Variants in ISY1 observed in about 807,000 individuals in gnomAD.
The protein encoded by ISY1 is ISY1 spliceosome associated protein.
In ISY1, 12 loss-of-function variants were observed where a neutral mutation model predicts 54.4. The observed-to-expected ratio is 0.22, with a 90% CI of 0.14 to 0.36. ISY1 has a LOEUF of 0.36. ISY1 is among the 10% of genes least tolerant of loss of function. The pLI is 1.00. For synonymous variants in ISY1, 96 were observed against 117.9 expected, an observed-to-expected ratio of 0.81 and a Z score of 1.20; for missense variants, 282 against 342.2, an observed-to-expected ratio of 0.82 and a Z score of 1.39.
chr3:129,160,938 A>T, intron 1 of ISY1, 35 bp downstream of exon 1: 1 of 100,230 alleles, frequency 1.0e-5, no homozygotes. Context: ...CCGCCCGCCC[A>T]TCCACTCGCT....
intron 9 of ISY1, among the ~76,000 whole-genome samples, chr3:129,132,749 C>G (rs934973228): frequency 6.6e-5 from 10 of 152,210 alleles, no homozygotes; most frequent in Admixed American, 5.9e-4. Context: ...CTCACAGGAG[C>G]CATGAATTAA....
At chr3:129,155,234 T>C (rs1937101197) in intron 5 of ISY1, among the ~76,000 whole-genome samples, 1 of 151,506 alleles carries the variant, frequency 6.6e-6, no homozygotes. Flanking sequence ...TGTTTTGAGA[T>C]GGAGTCCTGG....
chr3:129,158,426 T>C (rs1937209591), intron 3 of ISY1, 82 bp downstream of exon 3: 2 of 1,588,528 alleles, frequency 1.3e-6, no homozygotes, highest in Non-Finnish European at 8.6e-7. Context: ...CCCCAAGTAT[T>C]GGGATTACAG....
intron 9 of ISY1, 180 bp from the exon 10 acceptor site, chr3:129,130,816 T>C (rs1576867192): frequency 1.7e-6 from 1 of 573,304 alleles, no homozygotes; most frequent in East Asian, 3.5e-5. Context: ...ACACGCTGTA[T>C]ATTATGCTAC....
At chr3:129,159,746 T>G (rs1159644703) in intron 1 of ISY1, among the ~76,000 whole-genome samples, 2 of 152,202 alleles carry the variant, frequency 1.3e-5, no homozygotes, top group Non-Finnish European at 2.9e-5. Flanking sequence ...ACATTCCCAG[T>G]TCTTCCACTT....
intron 6 of ISY1, among the ~76,000 whole-genome samples, chr3:129,143,306 A>G (rs1353357112): frequency 1.5e-4 from 23 of 152,040 alleles, no homozygotes; most frequent in Admixed American, 1.5e-3. Context: ...CAGGAGTTCG[A>G]GACCAGCCTG....
At position 129,141,590 on chromosome 3, in the gene ISY1, T is replaced by TACAAA. The variant is rs1413136927; in HGVS notation, c.301-1106_301-1105insTTTGT. ...TAACATGGTGAAACCCCGTCTCTAC[T>TACAAA]ATAAATACAAAAAATTAGCTAGGCA... On this transcript the variant is annotated intron_variant, in intron 6 of 10. Coordinates refer to ENST00000393295, the MANE Select transcript of ISY1 (RefSeq NM_020701.4). Among the ~76,000 whole-genome samples the TACAAA allele has an allele frequency of 1.3e-4, 19 of 151,758 alleles. 1 individual carries two copies. The highest frequency in any genetic ancestry group is 4.6e-4 in the Admixed American group (7 of 15,218).
chr3:129,158,904 C>T (rs1010987432), intron 2 of ISY1, among the ~76,000 whole-genome samples: 3 of 152,142 alleles, frequency 2.0e-5, no homozygotes, highest in African/African-American at 7.2e-5. Context: ...TCTCACAACC[C>T]CTGCACCAAC....
chr3:129,136,161 G>C (rs1167202102), intron 7 of ISY1, among the ~76,000 whole-genome samples: 1 of 151,880 alleles, frequency 6.6e-6, no homozygotes, highest in Non-Finnish European at 1.5e-5. Context: ...GAGTGCAATG[G>C]CATGATCTTG....
intron 6 of ISY1, among the ~76,000 whole-genome samples, chr3:129,144,461 AT>A (rs1360251514): frequency 2.0e-5 from 3 of 152,184 alleles, no homozygotes; most frequent in African/African-American, 7.2e-5. Flanking sequence ...GAAAAACTGC[AT>A]GTGTTTCTTA....
At chr3:129,142,287 G>A (rs914526913) in intron 6 of ISY1, among the ~76,000 whole-genome samples, 1 of 151,694 alleles carries the variant, frequency 6.6e-6, no homozygotes, top group East Asian at 1.9e-4. Flanking sequence ...CAGGGGAAAT[G>A]CTACCAAGGA....
intron 5 of ISY1, 46 bp from the exon 6 acceptor site, chr3:129,145,919 T>C (rs745831978): frequency 9.5e-6 from 15 of 1,580,868 alleles, no homozygotes; most frequent in Non-Finnish European, 1.3e-5. Context: ...AAAATGAATG[T>C]CAACACCTCT....
chr3:129,153,606 A>AC (rs1193487643), intron 5 of ISY1, among the ~76,000 whole-genome samples: 1 of 148,460 alleles, frequency 6.7e-6, no homozygotes, highest in Non-Finnish European at 1.5e-5. Context: ...ACATGGTGAA[A>AC]CCCCGTCTCT....
chr3:129,134,925 C>A lies in ISY1; in HGVS notation c.448G>T (p.Glu150Ter). The A allele has an allele frequency of 6.2e-7, 1 of 1,610,394 alleles. No homozygotes were observed. The highest frequency in any genetic ancestry group is 1.1e-5 in the South Asian group (1 of 90,830). ...TCAAAATCGATTGCCTTCATGAGCT[C>A]AGCACGTGTCTTTCTGGGAGGAGGA... The part of the protein sequence containing the change: ...PLPPPRKTRA[E>*]LMKAIDFEYY... Residue 150 changes from glutamate (E) to a stop codon, truncating the protein, a stop_gained, in exon 8 of 11, where the codon GAG (glutamate) becomes TAG (stop). Coordinates refer to ENST00000393295, the MANE Select transcript of ISY1 (RefSeq NM_020701.4). LOFTEE classifies it high-confidence loss of function.
chr3:129,147,940 A>T (rs941292213), intron 5 of ISY1, among the ~76,000 whole-genome samples: 6 of 151,590 alleles, frequency 4.0e-5, no homozygotes, highest in South Asian at 2.1e-4. Flanking sequence ...TGTTTTATTT[A>T]TTTTTTTTAT....
In ISY1 at chr3:129,130,594, G is replaced by T; in HGVS notation, c.706C>A (p.Gln236Lys). 6.2e-7 allele frequency: 1 copy of T among 1,614,174 alleles called. No homozygotes were observed. The highest frequency in any genetic ancestry group is 8.5e-7 in the Non-Finnish European group (1 of 1,180,014). Residue 236 changes from glutamine (Q) to lysine (K), a missense_variant, in exon 10 of 11, where the codon CAG becomes AAG. Gln to Lys is a moderately conservative substitution (Grantham distance 53, BLOSUM62 1). Transcript: ENST00000393295. Reference sequence around the variant, plus strand: ...GGGACGTGAGCAATGAACTTCTGCTGGCTGTCGTCCCCTCCTTTCTCCTGG... The same window carrying T: ...GGGACGTGAGCAATGAACTTCTGCTTGCTGTCGTCCCCTCCTTTCTCCTGG... The part of the protein sequence containing the change: ...GSQEKGGDDS[Q>K]QKFIAHVPVP...
Position 129,141,667 on chromosome 3 carries a change from C to T in ISY1, c.301-1182G>A, listed in dbSNP as rs1046165701. On this transcript the variant is annotated intron_variant, in intron 6 of 10. Transcript: ENST00000393295. ...TACTCAGGAGGCTAAGGCAGGAGAA[C>T]GGCATGAACCTGGGAGGCGGAGCTT... is the stretch of plus-strand genomic sequence containing the variant. Among the ~76,000 whole-genome samples the T allele has an allele frequency of 4.7e-5, 7 of 148,316 alleles. No homozygotes were observed. In the South Asian group the frequency reaches 8.5e-4, roughly 18 times the overall value.
intron 5 of ISY1, among the ~76,000 whole-genome samples, chr3:129,149,925 G>C (rs992548014): frequency 4.0e-5 from 6 of 148,278 alleles, no homozygotes; most frequent in Non-Finnish European, 7.4e-5. Flanking sequence ...AGTGAGCTAT[G>C]ACTGCACCAC....
At chr3:129,153,335 T>C (rs1937032664) in intron 5 of ISY1, among the ~76,000 whole-genome samples, 2 of 152,218 alleles carry the variant, frequency 1.3e-5, no homozygotes, top group African/African-American at 4.8e-5. Flanking sequence ...GATATAGGAC[T>C]ACTCAGGTTT....
Sources: gnomAD v4.1 joint callset for allele counts (sites outside exome capture counted in the v4.1 genomes callset) on GRCh38, gnomAD v4.1.1 for gene constraint, MANE v1.5 for transcripts, NCBI Gene and HGNC (gene_info 2026-07-23, HGNC 2026-07-21) for gene names.